DNAH3: variants seen among roughly 807,000 people sequenced by gnomAD.
DNAH3 encodes the protein dynein axonemal heavy chain 3, also known as axonemal beta dynein heavy chain 3.
A neutral mutation model predicts 432.5 loss-of-function variants in DNAH3; 332 were observed. The observed-to-expected ratio is 0.77, with a 90% CI of 0.70 to 0.84. The LOEUF (loss-of-function observed/expected upper bound fraction) is 0.84, where lower values mean the gene tolerates loss of function less well. DNAH3 is among the 40% of genes least tolerant of loss of function. The pLI, the probability that DNAH3 is intolerant of heterozygous loss-of-function variation, is 0.00. For missense variants in DNAH3, 4,861 were observed against 5,114.0 expected, an observed-to-expected ratio of 0.95 and a Z score of 1.51; for synonymous variants, 1,956 against 1,900.2, an observed-to-expected ratio of 1.03 and a Z score of -0.76.
chr16:20,967,765 C>T (rs1220437596), intron 52 of DNAH3, among the ~76,000 whole-genome samples: 1 of 151,892 alleles, frequency 6.6e-6, no homozygotes, highest in Non-Finnish European at 1.5e-5. Flanking sequence ...ATCTTGGCCT[C>T]CCAAAGTGCT....
In DNAH3 at chr16:21,054,483, G is replaced by A. The variant is rs534248893; in HGVS notation, c.3976C>T (p.Arg1326Ter). The A allele has an allele frequency of 9.3e-6, 15 of 1,613,940 alleles. No homozygotes were observed. The highest frequency in any genetic ancestry group is 5.0e-5 in the Admixed American group (3 of 60,002). Residue 1326 changes from arginine to a stop codon, truncating the protein, a stop_gained, in exon 28 of 62, where the codon CGA becomes TGA. Coordinates refer to ENST00000261383, the Ensembl canonical transcript of DNAH3. LOFTEE classifies it high-confidence loss of function. ...CGAGCTCCACTGCTCAGCTTCCCTC[G>A]CACCAGCTGGACAATCTGCGCAATC...
At chr16:21,000,096 A>C in intron 43 of DNAH3, 128 bp downstream of exon 43, 1 of 953,910 alleles carries the variant, frequency 1.0e-6, no homozygotes, top group Non-Finnish European at 1.5e-6. Context: ...AAGCTATATT[A>C]ACTGGAAATA....
intron 38 of DNAH3, among the ~76,000 whole-genome samples, chr16:21,025,433 AGT>A (rs2088495617): frequency 6.8e-6 from 1 of 147,936 alleles, no homozygotes; most frequent in Non-Finnish European, 1.5e-5. Context: ...ATTAGTATAT[AGT>A]ATAACATTAT....
At chr16:21,049,794 C>A in intron 30 of DNAH3, 112 bp from the exon 31 acceptor site, 2 of 1,334,082 alleles carry the variant, frequency 1.5e-6, no homozygotes, top group Non-Finnish European at 2.2e-6. Context: ...CTTGAAGGAG[C>A]TGGGGCCCAT....
exon 57 of DNAH3, chr16:20,948,614 C>T (rs1021270818): frequency 6.2e-7 from 1 of 1,614,030 alleles, no homozygotes; most frequent in Non-Finnish European, 8.5e-7. Context: ...TCATCAGTCA[C>T]TCTGCCTCCG....
At chr16:21,119,810 C>T (rs2092296098) in intron 11 of DNAH3, among the ~76,000 whole-genome samples, 1 of 150,054 alleles carries the variant, frequency 6.7e-6, no homozygotes, top group South Asian at 2.1e-4. Context: ...GTTGGCTAGG[C>T]TGGTATTGAA....
intron 5 of DNAH3, among the ~76,000 whole-genome samples, chr16:21,137,585 G>A (rs1278862854): frequency 3.3e-5 from 5 of 152,016 alleles, no homozygotes; most frequent in Non-Finnish European, 5.9e-5. Context: ...ACCACAGCCA[G>A]CTAATTTTTG....
At chr16:21,111,456 GT>G (rs1259474571) in intron 14 of DNAH3, among the ~76,000 whole-genome samples, 169 bp downstream of exon 14, 1 of 152,058 alleles carries the variant, frequency 6.6e-6, no homozygotes, top group African/African-American at 2.4e-5. Flanking sequence ...TCTCTTGACT[GT>G]TCACCTCCTA....
In DNAH3 at chr16:20,951,372, C is replaced by G. The variant is rs112290214; in HGVS notation, c.11188+1061G>C. 7.3e-3 allele frequency among the ~76,000 whole-genome samples: 1,112 copies of G among 152,090 alleles called. 16 individuals carry two copies. Among genetic ancestry groups the G allele is most frequent in the African/African-American group, 0.026 (1,075 of 41,492 alleles). On this transcript the variant is annotated intron_variant, in intron 56 of 61. Transcript: ENST00000261383. ...TTGCCACGATCATCTCCTCCTCCTA[C>G]CCCAAGATTTAATCATTATGCTGCC... is the stretch of plus-strand genomic sequence containing the variant.
At chr16:20,952,286 T>C in intron 56 of DNAH3, 147 bp downstream of exon 56, 1 of 588,330 alleles carries the variant, frequency 1.7e-6, no homozygotes, top group Non-Finnish European at 3.1e-6. Flanking sequence ...TTACAATATC[T>C]AGCATGATGA....
At chr16:21,145,537 G>T in intron 2 of DNAH3, 131 bp from the exon 4 acceptor site, 1 of 743,382 alleles carries the variant, frequency 1.3e-6, no homozygotes. Context: ...CACATTCAGT[G>T]GAAAGATTGT....
intron 37 of DNAH3, among the ~76,000 whole-genome samples, chr16:21,030,217 A>T (rs774780502): frequency 7.2e-5 from 11 of 152,112 alleles, no homozygotes; most frequent in Non-Finnish European, 1.2e-4. Flanking sequence ...GAGTTCCTTG[A>T]CCAACAGAAT....
chr16:21,119,525 G>A lies in DNAH3; in HGVS notation c.1699+1215C>T, dbSNP rs551742737. On this transcript the variant is annotated intron_variant, in intron 11 of 61. Coordinates refer to ENST00000261383, the Ensembl canonical transcript of DNAH3. ...CACACCTGTTATCCCAGCTACTTGG[G>A]AGGCTGAGATGGGAGGATGGCTTGA... Among the ~76,000 whole-genome samples the A allele has an allele frequency of 1.8e-4, 27 of 151,992 alleles. 1 individual carries two copies. The highest frequency in any genetic ancestry group is 3.4e-3 in the Middle Eastern group (1 of 294).
In DNAH3 at chr16:21,145,988, T is replaced by C. The variant is rs549123743; in HGVS notation, c.218A>G (p.Tyr73Cys). ...CTGGCAGCCAGGTGTGCATACCTGA[T>C]AGAGTCCAGACGGTTCCTCATTAGC... Residue 73 changes from tyrosine to cysteine, a missense_variant, in exon 2 of 62, where the codon TAT becomes TGT. Tyr to Cys is a radical substitution (Grantham distance 194). Transcript: ENST00000261383. The C allele has an allele frequency of 1.4e-5, 23 of 1,607,186 alleles. No homozygotes were observed. The South Asian group carries it at 2.4e-4, about 17-fold the overall frequency.
intron 48 of DNAH3, 61 bp downstream of exon 48, chr16:20,984,988 C>A (rs1477666231): frequency 1.8e-5 from 25 of 1,389,302 alleles, no homozygotes; most frequent in Non-Finnish European, 2.5e-5. Context: ...CTGCTCAGGG[C>A]ACTCAGAAGA....
intron 32 of DNAH3, among the ~76,000 whole-genome samples, chr16:21,040,360 T>TTTTTTTTTTTTC (rs2089381545): frequency 1.6e-5 from 1 of 63,116 alleles, no homozygotes; most frequent in Non-Finnish European, 2.9e-5. Flanking sequence ...CCAGACAGAT[T>TTTTTTTTTTTTC]TTTTTTTTTT....
chr16:21,078,275 CA>C (rs1202846920), intron 20 of DNAH3, among the ~76,000 whole-genome samples: 1,341 of 83,824 alleles, frequency 0.016, 12 homozygotes, highest in African/African-American at 0.047. Flanking sequence ...AATTCCGTCT[CA>C]AAAAAAAAAA....
At chr16:21,086,104 A>C (rs1260775793) in intron 19 of DNAH3, among the ~76,000 whole-genome samples, 1 of 152,130 alleles carries the variant, frequency 6.6e-6, no homozygotes, top group Non-Finnish European at 1.5e-5. Flanking sequence ...GTCAGAGAAG[A>C]ATCTTCCCAA....
exon 53 of DNAH3, chr16:20,964,385 C>T: frequency 6.2e-7 from 1 of 1,614,130 alleles, no homozygotes; most frequent in Non-Finnish European, 8.5e-7. Flanking sequence ...AACTTAAAAT[C>T]CCTGGAATAT....
Sources: gnomAD v4.1 joint callset for allele counts (sites outside exome capture counted in the v4.1 genomes callset) on GRCh38, gnomAD v4.1.1 for gene constraint, MANE v1.5 for transcripts, NCBI Gene and HGNC (gene_info 2026-07-23, HGNC 2026-07-21) for gene names.